LRRC40: variants seen among roughly 807,000 people sequenced by gnomAD.
LRRC40 encodes leucine rich repeat containing 40.
LRRC40 carries 76 observed loss-of-function variants against 72.8 expected under a neutral mutation model. The observed-to-expected ratio is 1.04, with a 90% CI of 0.87 to 1.26. The LOEUF is 1.26. LRRC40 is among the 50% of genes most tolerant of loss of function. LRRC40 has a pLI of 0.00. For synonymous variants in LRRC40, 243 were observed against 254.2 expected, an observed-to-expected ratio of 0.96 and a Z score of 0.42; for missense variants, 684 against 698.9, an observed-to-expected ratio of 0.98 and a Z score of 0.24.
chr1:70,174,535 CAACT>C (rs1668062063), intron 7 of LRRC40, among the ~76,000 whole-genome samples: 1 of 152,150 alleles, frequency 6.6e-6, no homozygotes. Flanking sequence ...AAATGTCCAT[CAACT>C]AACTACTGAA....
At chr1:70,174,725 G>C (rs1668067073) in intron 7 of LRRC40, among the ~76,000 whole-genome samples, 1 of 151,982 alleles carries the variant, frequency 6.6e-6, no homozygotes, top group Non-Finnish European at 1.5e-5. Context: ...TTCTAAAAAG[G>C]ACAAAACTAT....
In LRRC40 at chr1:70,165,426, T is replaced by C. The variant is rs1271239808; in HGVS notation, c.1112-5988A>G. On this transcript the variant is annotated intron_variant, in intron 9 of 14. Transcript: ENST00000370952. ...GAATCTGTGGACCACATTTCTACAT[T>C]TGAAGCATCACAGACAAGTGCCTTT... is the stretch of plus-strand genomic sequence containing the variant. Among the ~76,000 whole-genome samples the C allele has an allele frequency of 2.0e-5, 3 of 152,260 alleles. No homozygotes were observed. In the East Asian group the frequency reaches 5.8e-4, roughly 29 times the overall value.
At chr1:70,177,396 G>A (rs1668133280) in intron 6 of LRRC40, among the ~76,000 whole-genome samples, 1 of 152,140 alleles carries the variant, frequency 6.6e-6, no homozygotes, top group South Asian at 2.1e-4. Flanking sequence ...TGTTGGTACT[G>A]TGGTGAGCCT....
intron 9 of LRRC40, among the ~76,000 whole-genome samples, chr1:70,162,642 C>T (rs1352530082): frequency 6.6e-6 from 1 of 152,142 alleles, no homozygotes; most frequent in Non-Finnish European, 1.5e-5. Flanking sequence ...GATCTAATTA[C>T]TACAAATGTA....
chr1:70,173,386 G>C, intron 9 of LRRC40, 79 bp downstream of exon 9: 1 of 1,013,872 alleles, frequency 9.9e-7, no homozygotes, highest in Non-Finnish European at 1.5e-6. Flanking sequence ...ATACCCAAAA[G>C]ACATTTAAAT....
At chr1:70,189,397 A>C (rs968658378) in intron 1 of LRRC40, 124 bp from the exon 2 acceptor site, 7 of 786,986 alleles carry the variant, frequency 8.9e-6, no homozygotes, top group Non-Finnish European at 1.3e-5. Context: ...AACATTTTCT[A>C]AAACAAAAAA....
intron 1 of LRRC40, among the ~76,000 whole-genome samples, chr1:70,197,802 G>C (rs1668648878): frequency 6.6e-6 from 1 of 152,026 alleles, no homozygotes; most frequent in Non-Finnish European, 1.5e-5. Flanking sequence ...GAATGTGGCT[G>C]GGTGCAGTGG....
rs2274879 is a variant in LRRC40, at chr1:70,151,094, A to G, written c.1517+34T>C. Reference sequence around the variant, plus strand: ...CAATGAGAAAGATCTACATATTTCCACAGAATAACAATTAGAATTGTCTGT... The same window carrying G: ...CAATGAGAAAGATCTACATATTTCCGCAGAATAACAATTAGAATTGTCTGT... On this transcript the variant is annotated intron_variant, in intron 13 of 14. Transcript: ENST00000370952. 26 of 1,236,404 alleles carry G rather than the reference A, an allele frequency of 2.1e-5. No individual in the cohort carries two copies. In the East Asian group the frequency reaches 6.1e-4, roughly 29 times the overall value. 76.6% of individuals were successfully genotyped at this position (1,236,404 alleles called of 1,614,324 possible).
chr1:70,196,795 A>G (rs1668621428), intron 1 of LRRC40, among the ~76,000 whole-genome samples: 1 of 152,222 alleles, frequency 6.6e-6, no homozygotes, highest in Non-Finnish European at 1.5e-5. Flanking sequence ...GAAATGTTCT[A>G]TATCTTGATT....
intron 9 of LRRC40, among the ~76,000 whole-genome samples, chr1:70,166,009 G>A (rs1667873075): frequency 6.6e-6 from 1 of 152,140 alleles, no homozygotes. Flanking sequence ...GCAAAGTTAA[G>A]TATTAATTCA....
At chr1:70,164,165 C>T (rs994708086) in intron 9 of LRRC40, among the ~76,000 whole-genome samples, 2 of 151,874 alleles carry the variant, frequency 1.3e-5, no homozygotes, top group Non-Finnish European at 2.9e-5. Context: ...CCGAGGCGGG[C>T]GGATCACCTG....
rs560754828 is a variant in LRRC40 at position 70,152,437 on chromosome 1, G to T, written c.1435C>A (p.Leu479Ile). Reference sequence around the variant, plus strand: ...AGCAATAGTATCAATAAATACCTGAGATCTAAAAAAGTCAATTTCTGAAGC... The same window carrying T: ...AGCAATAGTATCAATAAATACCTGATATCTAAAAAAGTCAATTTCTGAAGC... The part of the protein sequence containing the change: ...CVLQKLTFLD[L>I]RNNFLNSLPE... The change falls in exon 12 of 15, where the codon CTC becomes ATC. Residue 479 changes from leucine to isoleucine, a missense_variant. Leu to Ile is a conservative substitution (Grantham distance 5, BLOSUM62 2). Transcript: ENST00000370952. 119 of 1,495,382 alleles carry T rather than the reference G, an allele frequency of 8.0e-5. 1 individual carries two copies. The South Asian group carries it at 1.3e-3, about 17-fold the overall frequency. The allele number at this position is 1,495,382 out of a possible 1,614,324, so 92.6% of individuals were successfully genotyped here.
At chr1:70,154,531 G>A (rs1014486961) in intron 11 of LRRC40, among the ~76,000 whole-genome samples, 1 of 152,164 alleles carries the variant, frequency 6.6e-6, no homozygotes, top group Non-Finnish European at 1.5e-5. Context: ...TTTAAAACAA[G>A]AGAGAACCAG....
At chr1:70,186,873 T>G (rs1001096261) in intron 3 of LRRC40, among the ~76,000 whole-genome samples, 2 of 152,178 alleles carry the variant, frequency 1.3e-5, no homozygotes, top group African/African-American at 4.8e-5. Context: ...TATGAAGTAT[T>G]TCATTTATGA....
intron 13 of LRRC40, among the ~76,000 whole-genome samples, chr1:70,149,888 C>T (rs899366428): frequency 6.6e-6 from 1 of 152,034 alleles, no homozygotes; most frequent in Non-Finnish European, 1.5e-5. Context: ...ATCTAGGTTG[C>T]ATTAAACATT....
chr1:70,170,905 G>A (rs1242273242), intron 9 of LRRC40, among the ~76,000 whole-genome samples: 5 of 152,022 alleles, frequency 3.3e-5, no homozygotes, highest in Non-Finnish European at 7.4e-5. Flanking sequence ...AGAAACAAGA[G>A]GAGCCCTCCT....
At chr1:70,181,355 T>C (rs1668242383) in intron 4 of LRRC40, 146 bp from the exon 5 acceptor site, 2 of 448,090 alleles carry the variant, frequency 4.5e-6, no homozygotes, top group Non-Finnish European at 7.8e-6. Context: ...TCTCATTCAC[T>C]GAAAATTTCA....
At chr1:70,203,676 T>G (rs1177225739) in intron 1 of LRRC40, among the ~76,000 whole-genome samples, 1 of 152,186 alleles carries the variant, frequency 6.6e-6, no homozygotes, top group African/African-American at 2.4e-5. Context: ...CCTTAATAGG[T>G]CCTGTTATGA....
intron 9 of LRRC40, among the ~76,000 whole-genome samples, chr1:70,165,684 A>G (rs1667865748): frequency 6.6e-6 from 1 of 152,186 alleles, no homozygotes; most frequent in African/African-American, 2.4e-5. Flanking sequence ...AAAAAAAAAA[A>G]TATGAAGCAA....
Sources: allele counts gnomAD v4.1 joint callset (sites outside exome capture counted in the v4.1 genomes callset), GRCh38; gene constraint gnomAD v4.1.1; transcripts MANE v1.5; gene names NCBI Gene and HGNC (gene_info 2026-07-23, HGNC 2026-07-21).